The following NARS2 variants were observed in gnomAD, a reference collection of about 807,000 sequenced individuals.
NARS2 encodes the protein asparaginyl-tRNA synthetase 2, mitochondrial, also known as asparaginyl-tRNA synthetase.
A neutral mutation model predicts 62.9 loss-of-function variants in NARS2; 60 were observed. The observed-to-expected ratio is 0.95, with a 90% CI of 0.77 to 1.18. NARS2 has a LOEUF of 1.18. Ranked by LOEUF, NARS2 falls within the 50% of genes most tolerant of loss-of-function variation. The probability of loss-of-function intolerance (pLI) is 0.00; values close to 1 mark genes in which losing one functional copy is unlikely to be tolerated. For missense variants in NARS2, 619 were observed against 576.4 expected (o/e 1.07, Z -0.76); for synonymous variants, 196 against 200.0 (o/e 0.98, Z 0.17).
Position 78,509,669 on chromosome 11 carries a change from T to A in NARS2, c.690-16474A>T, listed in dbSNP as rs555947409. On this transcript the variant is annotated intron_variant, in intron 6 of 13. Coordinates refer to ENST00000281038, the MANE Select transcript of NARS2 (RefSeq NM_024678.6). ...ATGTATGTTTTGGGGCACACCTGTA[T>A]AAAGATGTAATTTTGTGATATCAAC... Among the ~76,000 whole-genome samples, 8 of 152,108 alleles carry A rather than the reference T, an allele frequency of 5.3e-5. No individual in the cohort carries two copies. In the East Asian group the frequency reaches 1.5e-3, roughly 29 times the overall value.
chr11:78,504,437 T>TGGG (rs1555025738), intron 6 of NARS2, among the ~76,000 whole-genome samples: 1 of 21,036 alleles, frequency 4.8e-5, no homozygotes, highest in East Asian at 1.0e-3. Flanking sequence ...AACACCAGTT[T>TGGG]TTTTTTTTTT....
chr11:78,477,508 A>C (rs1454692315), intron 9 of NARS2, among the ~76,000 whole-genome samples: 1 of 152,002 alleles, frequency 6.6e-6, no homozygotes, highest in African/African-American at 2.4e-5. Flanking sequence ...TCTATCTCTA[A>C]AATATATTCG....
At chr11:78,473,976 C>T (rs1257538066) in intron 9 of NARS2, among the ~76,000 whole-genome samples, 3 of 152,192 alleles carry the variant, frequency 2.0e-5, no homozygotes, top group East Asian at 1.9e-4. Flanking sequence ...AGCTTCCCTA[C>T]CCTACACCCT....
chr11:78,479,406 G>C (rs977327477), intron 7 of NARS2, among the ~76,000 whole-genome samples: 1 of 152,114 alleles, frequency 6.6e-6, no homozygotes, highest in African/African-American at 2.4e-5. Flanking sequence ...ATCCTCAGGA[G>C]GCTGAGTTGG....
At chr11:78,569,858 A>AT in intron 2 of NARS2, among the ~76,000 whole-genome samples, 1 of 152,350 alleles carries the variant, frequency 6.6e-6, no homozygotes, top group Admixed American at 6.5e-5. Context: ...CTATACTGAT[A>AT]TAATCAAAAC....
chr11:78,565,509 A>G (rs1223895191), intron 4 of NARS2, among the ~76,000 whole-genome samples: 1 of 152,166 alleles, frequency 6.6e-6, no homozygotes, highest in Non-Finnish European at 1.5e-5. Context: ...GGGAAAAAGT[A>G]AGGTAGAGCC....
chr11:78,520,164 A>T (rs181184481), intron 6 of NARS2, among the ~76,000 whole-genome samples: 118 of 152,330 alleles, frequency 7.7e-4, no homozygotes, highest in African/African-American at 2.7e-3. Context: ...GCTTAAAACA[A>T]CAGAAATGTA....
intron 11 of NARS2, among the ~76,000 whole-genome samples, chr11:78,455,120 G>A (rs1321482297): frequency 6.6e-6 from 1 of 151,940 alleles, no homozygotes; most frequent in Non-Finnish European, 1.5e-5. Flanking sequence ...TATATGTCAG[G>A]TTAATTTTTT....
chr11:78,500,583 C>T (rs1174475342), intron 6 of NARS2, among the ~76,000 whole-genome samples: 1 of 152,238 alleles, frequency 6.6e-6, no homozygotes, highest in South Asian at 2.1e-4. Flanking sequence ...AAGCAATCCT[C>T]CTGCCCCAGC....
chr11:78,443,018 G>A (rs572344253), intron 12 of NARS2, among the ~76,000 whole-genome samples: 1 of 152,186 alleles, frequency 6.6e-6, no homozygotes, highest in Admixed American at 6.5e-5. Flanking sequence ...AAAGAACACA[G>A]ATAAGATAAA....
At chr11:78,444,257 T>G (rs762764189) in intron 11 of NARS2, among the ~76,000 whole-genome samples, 1 of 152,228 alleles carries the variant, frequency 6.6e-6, no homozygotes, top group Non-Finnish European at 1.5e-5. Context: ...CTTTCCTTTT[T>G]AGTTGAACAT....
At chr11:78,477,636 G>A (rs539156542) in intron 9 of NARS2, among the ~76,000 whole-genome samples, 1 of 152,264 alleles carries the variant, frequency 6.6e-6, no homozygotes, top group South Asian at 2.1e-4. Flanking sequence ...CTAAGAAGGT[G>A]TTTTTTGGAT....
chr11:78,505,485 A>G lies in NARS2; in HGVS notation c.690-12290T>C, dbSNP rs114400408. ...TTTTTTTAACTGATTTTTCCCCCCA[A>G]CTAGAATATACTGGTGAACTAAATC... On this transcript the variant is annotated intron_variant, in intron 6 of 13. Coordinates refer to ENST00000281038, the MANE Select transcript of NARS2 (RefSeq NM_024678.6). 8.6e-3 allele frequency among the ~76,000 whole-genome samples: 1,311 copies of G among 151,956 alleles called. 28 individuals are homozygous for G. The highest frequency in any genetic ancestry group is 0.03 in the African/African-American group (1,260 of 41,448).
chr11:78,519,452 A>C (rs190192794), intron 6 of NARS2, among the ~76,000 whole-genome samples: 3 of 152,360 alleles, frequency 2.0e-5, no homozygotes, highest in African/African-American at 7.2e-5. Context: ...AAAAATTAGC[A>C]GAAATAGCCA....
intron 6 of NARS2, among the ~76,000 whole-genome samples, chr11:78,494,586 G>A (rs1859978522): frequency 6.7e-6 from 1 of 150,134 alleles, no homozygotes; most frequent in African/African-American, 2.4e-5. Flanking sequence ...CCAATTGGTA[G>A]AAGCTTAGGA....
At chr11:78,463,197 T>C (rs1294747250) in intron 11 of NARS2, among the ~76,000 whole-genome samples, 3 of 152,070 alleles carry the variant, frequency 2.0e-5, no homozygotes, top group African/African-American at 4.8e-5. Context: ...CTTGAGTAGA[T>C]AGACTACAGG....
chr11:78,471,526 TTTTC>T (rs1422821489), intron 9 of NARS2, among the ~76,000 whole-genome samples: 1 of 151,986 alleles, frequency 6.6e-6, no homozygotes, highest in Non-Finnish European at 1.5e-5. Context: ...CTATCTTTTT[TTTTC>T]TTTTTTTTCT....
chr11:78,545,113 C>A (rs1254935847), intron 5 of NARS2, among the ~76,000 whole-genome samples: 1 of 152,124 alleles, frequency 6.6e-6, no homozygotes, highest in East Asian at 1.9e-4. Flanking sequence ...TAATAAAATA[C>A]ACTGATTATA....
At chr11:78,543,665 G>C (rs1855721465) in intron 5 of NARS2, among the ~76,000 whole-genome samples, 1 of 152,026 alleles carries the variant, frequency 6.6e-6, no homozygotes, top group Non-Finnish European at 1.5e-5. Flanking sequence ...TACACAGCAG[G>C]AATAGATACA....
Sources: allele counts gnomAD v4.1 joint callset (sites outside exome capture counted in the v4.1 genomes callset), GRCh38; gene constraint gnomAD v4.1.1; transcripts MANE v1.5; gene names NCBI Gene and HGNC (gene_info 2026-07-23, HGNC 2026-07-21).